The following KIF1A variants were observed in gnomAD, a reference collection of about 807,000 sequenced individuals.
The protein encoded by KIF1A is kinesin-like protein KIF1A.
Under a neutral mutation model 227.3 loss-of-function variants are expected in KIF1A, and 46 were observed. That is an observed-to-expected ratio of 0.20 (90% CI 0.16 to 0.26). The LOEUF is 0.26. Among genes scored for constraint, KIF1A ranks in the 10% least tolerant of loss-of-function variants. KIF1A has a pLI of 1.00. For missense variants in KIF1A, 1,683 were observed against 2,485.9 expected, an observed-to-expected ratio of 0.68 and a Z score of 6.87; for synonymous variants, 1,022 against 1,012.8, an observed-to-expected ratio of 1.01 and a Z score of -0.17.
At chr2:240,759,875 C>CA (rs1326387128) in intron 25 of KIF1A, among the ~76,000 whole-genome samples, 4 of 152,078 alleles carry the variant, frequency 2.6e-5, no homozygotes, top group Non-Finnish European at 5.9e-5. Flanking sequence ...AGCTGGGTGT[C>CA]ATAGTGCACT....
intron 17 of KIF1A, 27 bp downstream of exon 17, chr2:240,769,106 G>C: frequency 1.3e-6 from 2 of 1,585,254 alleles, no homozygotes; most frequent in Non-Finnish European, 1.7e-6. Context: ...GATGAGGGCA[G>C]TACCACAGAA....
At chr2:240,773,319 G>A in intron 12 of KIF1A, 63 bp from the exon 13 acceptor site, 2 of 1,599,476 alleles carry the variant, frequency 1.3e-6, no homozygotes, top group Non-Finnish European at 1.7e-6. Flanking sequence ...AGGTCCCAAG[G>A]GTGCCTAGAG....
Position 240,792,119 on chromosome 2 carries a change from C to T in KIF1A, c.107-2807G>A, listed in dbSNP as rs2055788210. ...GAGAGGGGAGGTCCTCTCCCCCGGT[C>T]ACACGACGCACAGCCAGACTAGAAG... On this transcript the variant is annotated intron_variant, in intron 2 of 48. Coordinates refer to ENST00000498729, the MANE Select transcript of KIF1A (RefSeq NM_001244008.2). The surrounding 1 kb of genome is among the most constrained non-coding windows in gnomAD (Gnocchi z 4.5). Among the ~76,000 whole-genome samples, 1 of 152,010 alleles carries T rather than the reference C, an allele frequency of 6.6e-6. No homozygotes were observed. The highest frequency in any genetic ancestry group is 6.5e-5 in the Admixed American group (1 of 15,282).
chr2:240,773,032 G>T (rs2052217843), intron 13 of KIF1A, 82 bp downstream of exon 13: 1 of 1,430,894 alleles, frequency 7.0e-7, no homozygotes, highest in South Asian at 1.4e-5. Flanking sequence ...GTGGCCCCAG[G>T]AGAGAGGATG....
In KIF1A at chr2:240,814,331, A is replaced by T. The variant is rs139761935; in HGVS notation, c.-61+5791T>A. Among the ~76,000 whole-genome samples the T allele has an allele frequency of 7.3e-3, 1,104 of 152,198 alleles. 13 individuals carry two copies. Among genetic ancestry groups the T allele is most frequent in the African/African-American group, 0.024 (998 of 41,510 alleles). ...TGCCAACAAAGCCTGCTCATAAGTGACCTGATGCAGAAAGCCATGGTGACC... is the reference window on the plus strand; with the variant it reads ...TGCCAACAAAGCCTGCTCATAAGTGTCCTGATGCAGAAAGCCATGGTGACC... On this transcript the variant is annotated intron_variant, in intron 1 of 48. Transcript: ENST00000498729.
chr2:240,742,840 AC>A lies in KIF1A; in HGVS notation c.3640+88del, dbSNP rs561454311. 193 of 1,189,968 alleles carry A rather than the reference AC, an allele frequency of 1.6e-4. 2 individuals are homozygous for A. In the South Asian group the frequency reaches 2.4e-3, roughly 15 times the overall value. The allele number at this position is 1,189,968 out of a possible 1,614,324, so 73.7% of individuals were successfully genotyped here. ...GGAGGGCACAGCCCAGTCACAGAGG[AC>A]AGCATTCACTGCGGGGGCCCAGCCC... On this transcript the variant is annotated intron_variant, in intron 34 of 48. Transcript: ENST00000498729.
chr2:240,721,872 G>A lies in KIF1A; in HGVS notation c.4678C>T (p.Leu1560Phe). The A allele has an allele frequency of 6.2e-7, 1 of 1,605,650 alleles. No homozygotes were observed. The highest frequency in any genetic ancestry group is 8.5e-7 in the Non-Finnish European group (1 of 1,178,986). ...TACTCTCTGTTGAATGTGTGCGTGAGCAGGCGCAAGCACTGTGGACAGAGC... is the reference window on the plus strand; with the variant it reads ...TACTCTCTGTTGAATGTGTGCGTGAACAGGCGCAAGCACTGTGGACAGAGC... ...RELAVKCLRLLTHTFNREYTH... is the reference protein window; with the variant it reads ...RELAVKCLRLFTHTFNREYTH... The change falls in exon 44 of 49, where the codon CTC becomes TTC. Residue 1560 changes from leucine (L) to phenylalanine (F), a missense_variant. Physicochemically the swap from Leu to Phe is conservative, Grantham distance 22 (BLOSUM62 0). Around this residue, in one of 12 missense-constraint regions of KIF1A, gnomAD observed 384 missense variants for 410.1 expected, o/e 0.94. Coordinates refer to ENST00000498729, the MANE Select transcript of KIF1A (RefSeq NM_001244008.2).
At chr2:240,772,752 C>T (rs770602482) in intron 13 of KIF1A, among the ~76,000 whole-genome samples, 156 bp from the exon 14 acceptor site, 3 of 152,114 alleles carry the variant, frequency 2.0e-5, no homozygotes, top group Non-Finnish European at 2.9e-5. Flanking sequence ...CTCCAGAACG[C>T]GGGGGACCTC....
chr2:240,772,463 A>C, intron 14 of KIF1A, 107 bp downstream of exon 14: 1 of 908,874 alleles, frequency 1.1e-6, no homozygotes, highest in South Asian at 1.5e-5. Context: ...AGAAGAAAGC[A>C]GAGCAGGTAC....
At chr2:240,780,770 C>CCACACACACACA (rs113684618) in intron 10 of KIF1A, among the ~76,000 whole-genome samples, 7 of 71,540 alleles carry the variant, frequency 9.8e-5, no homozygotes, top group African/African-American at 5.2e-4. Context: ...CCACACAGCT[C>CCACACACACACA]CACACACACA....
rs573241553 is a variant in KIF1A at position 240,721,636 on chromosome 2, G to C, written c.4743+171C>G. Among the ~76,000 whole-genome samples the C allele has an allele frequency of 2.6e-5, 4 of 152,284 alleles. 1 individual carries two copies. The highest frequency in any genetic ancestry group is 2.9e-5 in the Non-Finnish European group (2 of 68,010). The stretch of plus-strand genomic sequence containing the variant: ...CCCCACCTCCCATGGACCCCAGGCC[G>C]ACCCAGGGAAACCAGCCACTTAGGT... On this transcript the variant is annotated intron_variant, in intron 44 of 48. Transcript: ENST00000498729.
intron 15 of KIF1A, among the ~76,000 whole-genome samples, chr2:240,770,522 C>T (rs1167220102): frequency 6.6e-6 from 1 of 152,100 alleles, no homozygotes; most frequent in Admixed American, 6.5e-5. Context: ...TGGGGAGGGA[C>T]GAGACTCCTC....
chr2:240,745,702 G>A (rs369217152), intron 31 of KIF1A, 36 bp downstream of exon 31: 200 of 1,600,208 alleles, frequency 1.2e-4, no homozygotes, highest in East Asian at 1.2e-3. Flanking sequence ...CAGAGTCCCT[G>A]CGCAGCGCAG....
Position 240,758,813 on chromosome 2 carries a change from G to A in KIF1A, c.2445-316C>T, listed in dbSNP as rs1241356511. On this transcript the variant is annotated intron_variant, in intron 25 of 48. Transcript: ENST00000498729. The surrounding 1 kb of genome is among the most constrained non-coding windows in gnomAD (Gnocchi z 5.2). ...GGCACTGGGCTGCTGGAAAGCTGGC[G>A]GAGAGGTGGGAAGAGAACCCAAGTG... Among the ~76,000 whole-genome samples the A allele has an allele frequency of 6.6e-6, 1 of 152,174 alleles. No individual in the cohort carries two copies. The highest frequency in any genetic ancestry group is 2.4e-5 in the African/African-American group (1 of 41,448).
chr2:240,804,588 C>T (rs963655273), intron 1 of KIF1A, among the ~76,000 whole-genome samples: 2 of 152,060 alleles, frequency 1.3e-5, no homozygotes, highest in African/African-American at 4.8e-5. Flanking sequence ...GGAACCAAGT[C>T]ACCACAAAAT....
chr2:240,769,077 C>T, intron 17 of KIF1A, 56 bp downstream of exon 17: 2 of 1,486,964 alleles, frequency 1.3e-6, no homozygotes, highest in Non-Finnish European at 1.8e-6. Flanking sequence ...TGAGACAGCA[C>T]CTCACCTGGT....
intron 20 of KIF1A, among the ~76,000 whole-genome samples, chr2:240,763,927 G>A (rs1411801801): frequency 2.6e-5 from 4 of 152,156 alleles, no homozygotes; most frequent in Non-Finnish European, 4.4e-5. Context: ...CAGCATCAGG[G>A]CCACCGAGGC....
chr2:240,720,074 C>A, intron 45 of KIF1A, 148 bp from the exon 46 acceptor site: 1 of 658,584 alleles, frequency 1.5e-6, no homozygotes. Flanking sequence ...AGTGGGAGCT[C>A]CCGGGGCCCG....
chr2:240,781,649 T>C, intron 10 of KIF1A: 1 of 618,464 alleles, frequency 1.6e-6, no homozygotes, highest in Non-Finnish European at 2.0e-6. Flanking sequence ...TTCACTCCGC[T>C]CCACACACAA....
Sources: gnomAD v4.1 joint callset for allele counts (sites outside exome capture counted in the v4.1 genomes callset) on GRCh38, gnomAD v4.1.1 for gene constraint, gnomAD v4.1.1 regional missense constraint, Gnocchi (gnomAD v3.1) non-coding constraint, MANE v1.5 for transcripts, NCBI Gene and HGNC (gene_info 2026-07-23, HGNC 2026-07-21) for gene names.